ZNF521: variants seen among roughly 807,000 people sequenced by gnomAD.
The protein encoded by ZNF521 is LYST-interacting protein 3.
In ZNF521, 14 loss-of-function variants were observed where a neutral mutation model predicts 105.5. The observed-to-expected ratio is 0.13, with a 90% CI of 0.09 to 0.21. The LOEUF (loss-of-function observed/expected upper bound fraction) is 0.21, where lower values mean the gene tolerates loss of function less well. ZNF521 is among the 10% of genes least tolerant of loss of function. The pLI, the probability that ZNF521 is intolerant of heterozygous loss-of-function variation, is 1.00. For synonymous variants in ZNF521, 635 were observed against 606.0 expected, an observed-to-expected ratio of 1.05 and a Z score of -0.70; for missense variants, 1,233 against 1,629.7, an observed-to-expected ratio of 0.76 and a Z score of 4.19.
chr18:25,132,700 T>C (rs904237974), intron 5 of ZNF521, among the ~76,000 whole-genome samples: 3 of 152,216 alleles, frequency 2.0e-5, no homozygotes, highest in African/African-American at 4.8e-5. Flanking sequence ...ACTTGCATTA[T>C]TCCTGGAGCT....
At chr18:25,115,713 A>G (rs45590241) in intron 5 of ZNF521, among the ~76,000 whole-genome samples, 22,355 of 152,232 alleles carry the variant, frequency 0.15, 1,823 homozygotes, top group Middle Eastern at 0.21. Context: ...TTAAGAAAAC[A>G]GAGTTACTAA....
chr18:25,281,127 A>C (rs895664960), intron 3 of ZNF521, among the ~76,000 whole-genome samples: 1 of 152,214 alleles, frequency 6.6e-6, no homozygotes, highest in African/African-American at 2.4e-5. Context: ...AGTGTTCCAC[A>C]ACCATTTAAT....
chr18:25,089,450 C>G lies in ZNF521; in HGVS notation c.3906+15G>C. 8 of 1,575,394 alleles carry G rather than the reference C, an allele frequency of 5.1e-6. No homozygotes were observed. The highest frequency in any genetic ancestry group is 7.0e-6 in the Non-Finnish European group (8 of 1,144,720). ...CAACTGAGTTCAATCCCAGTCCTCC[C>G]CATGAGGACATTACCTGCAGCTCTG... On this transcript the variant is annotated intron_variant, in intron 7 of 7. Transcript: ENST00000361524.
intron 4 of ZNF521, among the ~76,000 whole-genome samples, chr18:25,204,127 T>G (rs1025597048): frequency 6.6e-6 from 1 of 152,212 alleles, no homozygotes. Flanking sequence ...ACTGCAGAAC[T>G]GTGAGCCAAT....
At chr18:25,256,527 T>C (rs183591609) in intron 3 of ZNF521, among the ~76,000 whole-genome samples, 5 of 152,092 alleles carry the variant, frequency 3.3e-5, no homozygotes, top group Admixed American at 2.6e-4. Context: ...TTATGTCAGG[T>C]TGGAGTATGC....
chr18:25,337,189 C>T (rs1162548342), intron 2 of ZNF521, among the ~76,000 whole-genome samples: 2 of 152,178 alleles, frequency 1.3e-5, no homozygotes, highest in Non-Finnish European at 2.9e-5. Context: ...GGGAACAAGA[C>T]ACTGCAGCCA....
At chr18:25,091,843 GAA>G in intron 6 of ZNF521, 105 bp downstream of exon 6, 1 of 1,371,564 alleles carries the variant, frequency 7.3e-7, no homozygotes, top group Non-Finnish European at 9.8e-7. Flanking sequence ...AAATTGAACT[GAA>G]GTCATGTCTG....
intron 3 of ZNF521, among the ~76,000 whole-genome samples, chr18:25,269,314 A>C (rs1217418856): frequency 6.6e-6 from 1 of 152,080 alleles, no homozygotes; most frequent in African/African-American, 2.4e-5. Context: ...CTACAAAGAG[A>C]CTCAGACTCC....
chr18:25,088,626 C>T (rs1009783956), intron 7 of ZNF521, among the ~76,000 whole-genome samples: 1 of 152,080 alleles, frequency 6.6e-6, no homozygotes, highest in African/African-American at 2.4e-5. Flanking sequence ...AAGGATAAGA[C>T]ATTATACCCA....
intron 3 of ZNF521, among the ~76,000 whole-genome samples, chr18:25,255,961 CG>C (rs1908457768): frequency 1.4e-5 from 2 of 138,646 alleles, no homozygotes; most frequent in African/African-American, 2.7e-5. Context: ...ATATATATAT[CG>C]TATATATATA....
intron 5 of ZNF521, among the ~76,000 whole-genome samples, chr18:25,125,674 G>GCACTTTC (rs2034525603): frequency 1.3e-5 from 2 of 150,780 alleles, no homozygotes; most frequent in Non-Finnish European, 3.0e-5. Flanking sequence ...ATGGTGTCAT[G>GCACTTTC]CACTTTCTCT....
intron 3 of ZNF521, among the ~76,000 whole-genome samples, chr18:25,240,574 A>C (rs2144795684): frequency 6.6e-6 from 1 of 152,242 alleles, no homozygotes; most frequent in Non-Finnish European, 1.5e-5. Flanking sequence ...TATTATTCAA[A>C]CCTATTAAAT....
intron 5 of ZNF521, among the ~76,000 whole-genome samples, chr18:25,093,354 T>C (rs2033787887): frequency 6.6e-6 from 1 of 152,142 alleles, no homozygotes; most frequent in African/African-American, 2.4e-5. Flanking sequence ...TATTCTCCTA[T>C]TAGCAATGAT....
At chr18:25,132,237 C>T (rs1288784861) in intron 5 of ZNF521, among the ~76,000 whole-genome samples, 2 of 152,194 alleles carry the variant, frequency 1.3e-5, no homozygotes, top group Admixed American at 1.3e-4. Context: ...ATATGCTCCT[C>T]AACAAAGAAT....
chr18:25,092,019 G>A lies in ZNF521; in HGVS notation c.3721C>T (p.Gln1241Ter). 6.2e-7 allele frequency: 1 copy of A among 1,614,040 alleles called. No individual in the cohort carries two copies. The highest frequency in any genetic ancestry group is 8.5e-7 in the Non-Finnish European group (1 of 1,179,924). Residue 1241 changes from glutamine to a stop codon, truncating the protein, a stop_gained, in exon 6 of 8, where the codon CAG becomes TAG. Transcript: ENST00000361524. LOFTEE classifies it high-confidence loss of function. ...SQTFDSPAKL[Q>*]CHLIEHSFEG... The stretch of plus-strand genomic sequence containing the variant: ...AAGCTGTGCTCTATCAGGTGGCACT[G>A]GAGTTTGGCAGGAGAGTCAAAGGTC...
intron 5 of ZNF521, among the ~76,000 whole-genome samples, chr18:25,125,956 G>C (rs747573741): frequency 1.3e-4 from 20 of 151,926 alleles, no homozygotes; most frequent in Non-Finnish European, 1.6e-4. Context: ...TTTGGCGTCA[G>C]AATATTTGTG....
At chr18:25,303,056 C>T (rs1168742695) in intron 3 of ZNF521, 1 of 152,140 alleles carries the variant, frequency 6.6e-6, no homozygotes, top group Non-Finnish European at 1.5e-5. Context: ...CCTGTTAGCC[C>T]TTCTACCTTC....
At chr18:25,276,381 C>T (rs1256682669) in intron 3 of ZNF521, among the ~76,000 whole-genome samples, 1 of 152,142 alleles carries the variant, frequency 6.6e-6, no homozygotes, top group Non-Finnish European at 1.5e-5. Flanking sequence ...TTGTGAAGGC[C>T]TTAATATTAG....
intron 3 of ZNF521, among the ~76,000 whole-genome samples, chr18:25,285,732 G>A (rs1600258127): frequency 3.0e-5 from 4 of 131,350 alleles, no homozygotes; most frequent in East Asian, 5.2e-4. Flanking sequence ...ACACACACAC[G>A]TACGCGCCTG....
Sources: allele counts gnomAD v4.1 joint callset (sites outside exome capture counted in the v4.1 genomes callset), GRCh38; gene constraint gnomAD v4.1.1; transcripts MANE v1.5; gene names NCBI Gene and HGNC (gene_info 2026-07-23, HGNC 2026-07-21).